COL20A1: variants seen among roughly 807,000 people sequenced by gnomAD.
COL20A1 encodes the protein collagen type XX alpha 1 chain, also known as collagen alpha-1(XX) chain.
A neutral mutation model predicts 152.9 loss-of-function variants in COL20A1; 164 were observed. That is an observed-to-expected ratio of 1.07 (90% CI 0.94 to 1.22). The LOEUF (loss-of-function observed/expected upper bound fraction) is 1.22, where lower values mean the gene tolerates loss of function less well. Ranked by LOEUF, COL20A1 falls within the 50% of genes most tolerant of loss-of-function variation. COL20A1 has a pLI of 0.00. For synonymous variants in COL20A1, 864 were observed against 756.0 expected (o/e 1.14, Z -2.34); for missense variants, 1,873 against 1,744.8 (o/e 1.07, Z -1.31).
In COL20A1 at chr20:63,313,756, G is replaced by T; in HGVS notation, c.2223G>T (p.Arg741Ser). 6.3e-7 allele frequency: 1 copy of T among 1,597,704 alleles called. No homozygotes were observed. The highest frequency in any genetic ancestry group is 8.5e-7 in the Non-Finnish European group (1 of 1,173,252). Reference protein sequence around the residue: ...SLRYTPSTVSRSPPSNLALAS... With the variant: ...SLRYTPSTVSSSPPSNLALAS... ...GCTCTCGGCCAGCCACGGTGAGCAG[G>T]AGCCCACCCTCCAACCTGGCCCTGG... The change falls in exon 18 of 36, where the codon AGG becomes AGT. Residue 741 changes from arginine to serine, a missense_variant. Physicochemically the swap from Arg to Ser is moderately radical, Grantham distance 110. Coordinates refer to ENST00000358894, the MANE Select transcript of COL20A1 (RefSeq NM_020882.4). This position sits in a 1 kb window ranked among gnomAD's most constrained non-coding sequence, Gnocchi z 5.9.
chr20:63,327,614 CGGGCCCG>C (rs1238057131), intron 31 of COL20A1: 1 of 341,778 alleles, frequency 2.9e-6, no homozygotes, highest in Admixed American at 4.3e-5. Flanking sequence ...AGGCCTGACC[CGGGCCCG>C]GGGCCCGGGA....
chr20:63,309,227 A>C, intron 8 of COL20A1, 106 bp from the exon 9 acceptor site: 2 of 910,590 alleles, frequency 2.2e-6, no homozygotes, highest in Non-Finnish European at 1.5e-6. Flanking sequence ...AGTACAGCCC[A>C]TAGGCCTCTT....
Position 63,333,712 on chromosome 20 carries a change from C to G in COL20A1, c.*2996C>G, listed in dbSNP as rs551304038. 2 of 146,074 alleles carry G rather than the reference C, an allele frequency of 1.4e-5. No individual in the cohort carries two copies. Among genetic ancestry groups the G allele is most frequent in the Non-Finnish European group, 3.0e-5 (2 of 66,200 alleles). The allele number at this position is 146,074 out of a possible 1,614,324, so 9.0% of individuals were successfully genotyped here. A position where few individuals can be genotyped will look rare whatever the true frequency, so the allele number is the denominator to read the frequency against. Reference sequence around the variant, plus strand: ...AGCAGGAGGCAGGGGGTGCTGTGCCCGCAGGACCAGCAGGTGAGGCGTGTC... The same window carrying G: ...AGCAGGAGGCAGGGGGTGCTGTGCCGGCAGGACCAGCAGGTGAGGCGTGTC... On this transcript the variant is annotated 3_prime_UTR_variant, in exon 36 of 36. Transcript: ENST00000358894.
Position 63,310,276 on chromosome 20 carries a change from T to C in COL20A1, c.1264-105T>C, listed in dbSNP as rs369632713. On this transcript the variant is annotated intron_variant, in intron 10 of 35. Transcript: ENST00000358894. Reference sequence around the variant, plus strand: ...CAGGCCTGTGGGAAGTGGGGCACCCTGCGGGCCCCAGCTGAGCTCACACTC... The same window carrying C: ...CAGGCCTGTGGGAAGTGGGGCACCCCGCGGGCCCCAGCTGAGCTCACACTC... The C allele has an allele frequency of 5.2e-5, 69 of 1,323,554 alleles. No homozygotes were observed. In the East Asian group the frequency reaches 1.4e-3, roughly 27 times the overall value. 82.0% of individuals were successfully genotyped at this position (1,323,554 alleles called of 1,614,324 possible). A position where few individuals can be genotyped will look rare whatever the true frequency, so the allele number is the denominator to read the frequency against.
At chr20:63,330,510 T>C (rs894996329) in intron 35 of COL20A1, among the ~76,000 whole-genome samples, 5 of 152,078 alleles carry the variant, frequency 3.3e-5, no homozygotes, top group Non-Finnish European at 7.4e-5. Flanking sequence ...CACAGACCCG[T>C]CAGAGAATGA....
chr20:63,303,918 T>G (rs2067889244), intron 3 of COL20A1, among the ~76,000 whole-genome samples: 1 of 142,862 alleles, frequency 7.0e-6, no homozygotes, highest in Non-Finnish European at 1.5e-5. Context: ...CAGGTGTGGG[T>G]TCCTCCCTCC....
At chr20:63,296,331 G>GT (rs1284892043) in intron 2 of COL20A1, among the ~76,000 whole-genome samples, 1 of 152,272 alleles carries the variant, frequency 6.6e-6, no homozygotes, top group Non-Finnish European at 1.5e-5. Context: ...AACAACTTGA[G>GT]TTTAGGCGAA....
At position 63,319,572 on chromosome 20, in the gene COL20A1, G is replaced by C; in HGVS notation, c.2892G>C (p.Lys964Asn). The change falls in exon 23 of 36, where the codon AAG becomes AAC. Residue 964 changes from lysine (K) to asparagine (N), a missense_variant. By Grantham distance (94) the Lys-to-Asn change is moderately conservative. Coordinates refer to ENST00000358894, the MANE Select transcript of COL20A1 (RefSeq NM_020882.4). The surrounding 1 kb of genome is among the most constrained non-coding windows in gnomAD (Gnocchi z 4.4). ...CCTTCGACCCGCAGGAAGTGAGGAA[G>C]ATTTTCTTCGGGAGCTTCCACAAGG... ...EATFDPQEVR[K>N]IFFGSFHKVH... 2 of 1,588,792 alleles carry C rather than the reference G, an allele frequency of 1.3e-6. No individual in the cohort carries two copies. The highest frequency in any genetic ancestry group is 1.7e-4 in the Middle Eastern group (1 of 6,034).
rs1352188819 is a variant in COL20A1, at chr20:63,313,693, C to T, written c.2210-50C>T. ...CAGCTGGTCCTCTGGCCACCGGGTG[C>T]CTCCTTTCTGGAGGGGCCTGAGCCC... On this transcript the variant is annotated intron_variant, in intron 17 of 35. Transcript: ENST00000358894. The surrounding 1 kb of genome is among the most constrained non-coding windows in gnomAD (Gnocchi z 5.9). 6.7e-7 allele frequency: 1 copy of T among 1,500,416 alleles called. No homozygotes were observed. The highest frequency in any genetic ancestry group is 2.3e-5 in the Admixed American group (1 of 42,710). The allele number at this position is 1,500,416 out of a possible 1,614,324, so 92.9% of individuals were successfully genotyped here. A position where few individuals can be genotyped will look rare whatever the true frequency, so the allele number is the denominator to read the frequency against.
At chr20:63,308,483 C>G in intron 7 of COL20A1, 59 bp from the exon 8 acceptor site, 1 of 1,449,118 alleles carries the variant, frequency 6.9e-7, no homozygotes, top group Non-Finnish European at 9.2e-7. Flanking sequence ...TTGCTGCCAG[C>G]CGAGCACCAG....
Position 63,311,480 on chromosome 20 carries a change from A to G in COL20A1, c.1480A>G (p.Thr494Ala), listed in dbSNP as rs1333562236. Residue 494 changes from threonine to alanine, a missense_variant, in exon 12 of 36, where the codon ACC becomes GCC. Transcript: ENST00000358894. This position sits in a 1 kb window ranked among gnomAD's most constrained non-coding sequence, Gnocchi z 4.4. ...CACCTGGCAGCCCTCGGCCGGGGCC[A>G]CCCACTACCTGGTGCGATGTTCTCC... ...HLTWQPSAGA[T>A]HYLVRCSPAS... 6.3e-7 allele frequency: 1 copy of G among 1,578,092 alleles called. No homozygotes were observed. Among genetic ancestry groups the G allele is most frequent in the African/African-American group, 1.3e-5 (1 of 74,386 alleles).
rs371519828 is a variant in COL20A1, at chr20:63,306,696, C to T, written c.496+657C>T. Among the ~76,000 whole-genome samples the T allele has an allele frequency of 5.9e-5, 9 of 152,300 alleles. No homozygotes were observed. The highest frequency in any genetic ancestry group is 4.1e-4 in the South Asian group (2 of 4,826). On this transcript the variant is annotated intron_variant, in intron 5 of 35. Transcript: ENST00000358894. This position sits in a 1 kb window ranked among gnomAD's most constrained non-coding sequence, Gnocchi z 6.9. ...GCACTGTGTCTGCCCATAAGGCCCC[C>T]GTAGGCAGGGCTGGGCTTCCCCATA...
At chr20:63,299,904 GTATA>G (rs996359606) in intron 3 of COL20A1, among the ~76,000 whole-genome samples, 1 of 150,964 alleles carries the variant, frequency 6.6e-6, no homozygotes, top group African/African-American at 2.4e-5. Context: ...GTGTGTGTGT[GTATA>G]TATATATGTA....
At chr20:63,316,881 T>A (rs925014480) in intron 21 of COL20A1, among the ~76,000 whole-genome samples, 190 bp downstream of exon 21, 1 of 152,220 alleles carries the variant, frequency 6.6e-6, no homozygotes, top group South Asian at 2.1e-4. Flanking sequence ...TTTTACAAAT[T>A]AATAAAATCT....
rs781459007 is a variant in COL20A1, at chr20:63,327,973, G to T, written c.3550G>T (p.Glu1184Ter). The T allele has an allele frequency of 6.2e-7, 1 of 1,606,196 alleles. No homozygotes were observed. The highest frequency in any genetic ancestry group is 8.5e-7 in the Non-Finnish European group (1 of 1,176,230). ...TCAGGGACTGCCAGGGCCCAAAGGG[G>T]AACGAGGAGAGAAGGTAAGTGAGGC... The part of the protein sequence containing the change: ...GPTGLPGPKG[E>*]RGEKGEPQSL... Residue 1184 changes from glutamate (E) to a stop codon, truncating the protein, a stop_gained, in exon 32 of 36, where the codon GAA becomes TAA. Transcript: ENST00000358894. LOFTEE classifies it high-confidence loss of function.
rs774823385 is a variant in COL20A1 at position 63,319,204 on chromosome 20, A to G, written c.2806+4A>G. 6.2e-7 allele frequency: 1 copy of G among 1,611,044 alleles called. No individual in the cohort carries two copies. The highest frequency in any genetic ancestry group is 1.1e-5 in the South Asian group (1 of 90,878). ...CTCCTTGGGGTTCTGCTGGATGGTGACGTGGGCCCCGCGTCGCCCCCAGCA... is the reference window on the plus strand; with the variant it reads ...CTCCTTGGGGTTCTGCTGGATGGTGGCGTGGGCCCCGCGTCGCCCCCAGCA... On this transcript the variant is annotated splice_donor_region_variant and intron_variant, in intron 22 of 35. Transcript: ENST00000358894. This position sits in a 1 kb window ranked among gnomAD's most constrained non-coding sequence, Gnocchi z 4.4.
intron 27 of COL20A1, 56 bp downstream of exon 27, chr20:63,322,167 G>C (rs2123426530): frequency 7.5e-7 from 1 of 1,335,612 alleles, no homozygotes; most frequent in East Asian, 2.9e-5. Context: ...TACCAGAAGA[G>C]AACACCCCTC....
Position 63,328,502 on chromosome 20 carries a change from C to T in COL20A1, c.3781+4C>T. On this transcript the variant is annotated splice_donor_region_variant and intron_variant, in intron 34 of 35. Coordinates refer to ENST00000358894, the MANE Select transcript of COL20A1 (RefSeq NM_020882.4). The stretch of plus-strand genomic sequence containing the variant: ...GGCCGCCACCTTGAGGGCAGAGGTA[C>T]TGGGCTCCTGGCTCTTGGGGAGGGA... 2 of 1,606,064 alleles carry T rather than the reference C, an allele frequency of 1.2e-6. No individual in the cohort carries two copies. The highest frequency in any genetic ancestry group is 1.7e-6 in the Non-Finnish European group (2 of 1,175,808).
intron 3 of COL20A1, among the ~76,000 whole-genome samples, chr20:63,299,810 AATAT>A (rs2067843540): frequency 6.6e-6 from 1 of 151,652 alleles, no homozygotes; most frequent in African/African-American, 2.4e-5. Context: ...TATTAAACAT[AATAT>A]ATACATATAT....
Sources: gnomAD v4.1 joint callset for allele counts (sites outside exome capture counted in the v4.1 genomes callset) on GRCh38, gnomAD v4.1.1 for gene constraint, Gnocchi (gnomAD v3.1) non-coding constraint, MANE v1.5 for transcripts, NCBI Gene and HGNC (gene_info 2026-07-23, HGNC 2026-07-21) for gene names.